The following PRKCH variants were observed in gnomAD, a reference collection of about 807,000 sequenced individuals.
PRKCH encodes protein kinase C eta type.
A neutral mutation model predicts 82.5 loss-of-function variants in PRKCH; 28 were observed. That is an observed-to-expected ratio of 0.34 (90% CI 0.25 to 0.47). PRKCH has a LOEUF of 0.47. PRKCH is among the 20% of genes least tolerant of loss of function. The pLI is 1.00. For synonymous variants in PRKCH, 322 were observed against 327.4 expected (o/e 0.98, Z 0.18); for missense variants, 705 against 881.8 (o/e 0.80, Z 2.54).
intron 1 of PRKCH, among the ~76,000 whole-genome samples, chr14:61,192,812 T>C (rs1361942355): frequency 6.6e-6 from 1 of 152,256 alleles, no homozygotes; most frequent in Non-Finnish European, 1.5e-5. Flanking sequence ...TCATAAATAA[T>C]GTTGGACTTG....
In PRKCH at chr14:61,511,613, G is replaced by A. The variant is rs144448471; in HGVS notation, c.1434-17462G>A. ...CCTTTATGGCATAAACTACAAAGGC[G>A]CACAGCCTCCCCGATGTGTGCCAAT... is the stretch of plus-strand genomic sequence containing the variant. On this transcript the variant is annotated intron_variant, in intron 10 of 13. Transcript: ENST00000332981. Among the ~76,000 whole-genome samples the A allele has an allele frequency of 1.3e-3, 205 of 152,336 alleles. No individual in the cohort carries two copies. In the Middle Eastern group the frequency reaches 0.027, roughly 20 times the overall value.
chr14:61,514,892 A>G (rs1232588883), intron 10 of PRKCH, among the ~76,000 whole-genome samples: 1 of 152,236 alleles, frequency 6.6e-6, no homozygotes. Context: ...TTTGGTCCCC[A>G]TGACCAAGGA....
At chr14:61,412,734 A>C (rs1180683212) in intron 2 of PRKCH, among the ~76,000 whole-genome samples, 1 of 152,136 alleles carries the variant, frequency 6.6e-6, no homozygotes, top group East Asian at 1.9e-4. Context: ...AGCAATTCTA[A>C]AACTTTTACA....
At chr14:61,420,682 C>T (rs1566872157) in intron 2 of PRKCH, among the ~76,000 whole-genome samples, 1 of 152,212 alleles carries the variant, frequency 6.6e-6, no homozygotes, top group Admixed American at 6.5e-5. Context: ...CGCATGACCA[C>T]TACAGTTAGC....
intron 1 of PRKCH, among the ~76,000 whole-genome samples, chr14:61,257,798 C>G (rs553374313): frequency 6.6e-6 from 1 of 152,106 alleles, no homozygotes; most frequent in African/African-American, 2.4e-5. Context: ...CACAAGGACA[C>G]CTTTTGTAAG....
chr14:61,402,135 G>T (rs1881655841), intron 2 of PRKCH, among the ~76,000 whole-genome samples: 1 of 152,124 alleles, frequency 6.6e-6, no homozygotes, highest in East Asian at 1.9e-4. Context: ...TTTAAAAATT[G>T]TGTTATGAGA....
At chr14:61,508,681 T>C (rs144385144) in intron 10 of PRKCH, among the ~76,000 whole-genome samples, 255 of 152,236 alleles carry the variant, frequency 1.7e-3, no homozygotes, top group Non-Finnish European at 3.0e-3. Context: ...TTCCCAGAAA[T>C]TGGGGGATCT....
intron 1 of PRKCH, among the ~76,000 whole-genome samples, chr14:61,352,369 GT>G (rs1460958200): frequency 7.2e-4 from 109 of 152,184 alleles, no homozygotes; most frequent in African/African-American, 2.4e-3. Context: ...GCAGAAAGAT[GT>G]CCCAGATATA....
chr14:61,419,621 C>G lies in PRKCH; in HGVS notation c.428-23490C>G, dbSNP rs11628122. Among the ~76,000 whole-genome samples the G allele has an allele frequency of 2.1e-3, 319 of 152,356 alleles. 1 individual carries two copies. The Middle Eastern group carries it at 0.031, about 15-fold the overall frequency. Reference sequence around the variant, plus strand: ...TTAATTAAGCTCCTCCTTTAGAACTCTGCCCAGGGTCCCTGACTGTTAGTG... The same window carrying G: ...TTAATTAAGCTCCTCCTTTAGAACTGTGCCCAGGGTCCCTGACTGTTAGTG... On this transcript the variant is annotated intron_variant, in intron 2 of 13. Coordinates refer to ENST00000332981, the MANE Select transcript of PRKCH (RefSeq NM_006255.5).
chr14:61,189,555 T>C (rs1401986555), intron 1 of PRKCH, among the ~76,000 whole-genome samples: 8 of 151,952 alleles, frequency 5.3e-5, no homozygotes, highest in Admixed American at 3.9e-4. Context: ...TGTTTCTTCC[T>C]GAGAGTAGGG....
chr14:61,236,710 CAAAAA>C (rs35185475), intron 1 of PRKCH, among the ~76,000 whole-genome samples: 43 of 87,672 alleles, frequency 4.9e-4, no homozygotes, highest in African/African-American at 2.2e-3. Flanking sequence ...TGTCTCAAAA[CAAAAA>C]AAAAAAAAAA....
chr14:61,499,560 C>T (rs868326987), intron 10 of PRKCH, among the ~76,000 whole-genome samples: 1 of 152,150 alleles, frequency 6.6e-6, no homozygotes, highest in Non-Finnish European at 1.5e-5. Flanking sequence ...CCATGTAAGC[C>T]TGTGCTTTCA....
intron 1 of PRKCH, among the ~76,000 whole-genome samples, chr14:61,377,981 G>A (rs1274045560): frequency 6.6e-6 from 1 of 152,070 alleles, no homozygotes; most frequent in South Asian, 2.1e-4. Flanking sequence ...CTCTTTCTGT[G>A]TTTTGCCTCC....
intron 1 of PRKCH, among the ~76,000 whole-genome samples, chr14:61,229,057 T>C (rs545475916): frequency 3.0e-4 from 45 of 152,130 alleles, no homozygotes; most frequent in Admixed American, 2.8e-3. Flanking sequence ...ATTCCACTGG[T>C]AGGAATTTAT....
chr14:61,264,533 C>A (rs2045079745), intron 1 of PRKCH, among the ~76,000 whole-genome samples: 1 of 152,282 alleles, frequency 6.6e-6, no homozygotes, highest in Non-Finnish European at 1.5e-5. Context: ...AGTAGTAACA[C>A]AAAAATCAGC....
chr14:61,322,292 A>C lies in PRKCH; in HGVS notation c.191A>C (p.Asn64Thr). The change falls in exon 1 of 14, where the codon AAC (asparagine) becomes ACC (threonine). Residue 64 changes from asparagine to threonine, a missense_variant. Asn to Thr is a moderately conservative substitution (Grantham distance 65). Transcript: ENST00000332981. ...CAGACCAGCACCAAGCAGAAGACCA[A>C]CAAACCCACGTACAACGAGGAGTTT... ...VGQTSTKQKT[N>T]KPTYNEEFCA... is the part of the protein sequence containing the mutation. 1 of 1,613,152 alleles carries C rather than the reference A, an allele frequency of 6.2e-7. No homozygotes were observed. The highest frequency in any genetic ancestry group is 8.5e-7 in the Non-Finnish European group (1 of 1,179,810).
chr14:61,237,803 A>G (rs1191998580), intron 1 of PRKCH, among the ~76,000 whole-genome samples: 1 of 152,222 alleles, frequency 6.6e-6, no homozygotes, highest in African/African-American at 2.4e-5. Flanking sequence ...TAAAATGTAT[A>G]AAACCAAACT....
intron 12 of PRKCH, among the ~76,000 whole-genome samples, chr14:61,533,247 C>G (rs1056084467): frequency 2.0e-5 from 3 of 150,208 alleles, no homozygotes; most frequent in Non-Finnish European, 4.4e-5. Context: ...CATGTACCTT[C>G]AATGTAATTT....
At chr14:61,474,480 C>T (rs902130354) in intron 9 of PRKCH, among the ~76,000 whole-genome samples, 20 of 152,002 alleles carry the variant, frequency 1.3e-4, no homozygotes, top group Non-Finnish European at 2.8e-4. Flanking sequence ...TTTGGGAACA[C>T]TGCATGTTCT....
Sources: allele counts gnomAD v4.1 joint callset (sites outside exome capture counted in the v4.1 genomes callset), GRCh38; gene constraint gnomAD v4.1.1; transcripts MANE v1.5; gene names NCBI Gene and HGNC (gene_info 2026-07-23, HGNC 2026-07-21).